RTN1: variants seen among roughly 807,000 people sequenced by gnomAD.
RTN1 encodes reticulon 1.
In RTN1, 25 loss-of-function variants were observed where a neutral mutation model predicts 65.5. The observed-to-expected ratio is 0.38, with a 90% CI of 0.28 to 0.53. The LOEUF (loss-of-function observed/expected upper bound fraction) is 0.53, where lower values mean the gene tolerates loss of function less well. RTN1 is among the 20% of genes least tolerant of loss of function. The pLI, the probability that RTN1 is intolerant of heterozygous loss-of-function variation, is 0.79. For synonymous variants in RTN1, 471 were observed against 447.6 expected, an observed-to-expected ratio of 1.05 and a Z score of -0.66; for missense variants, 983 against 1,025.4, an observed-to-expected ratio of 0.96 and a Z score of 0.57.
At chr14:59,796,880 CCTGT>C (rs1353851840) in intron 1 of RTN1, among the ~76,000 whole-genome samples, 9 of 152,142 alleles carry the variant, frequency 5.9e-5, no homozygotes, top group Admixed American at 3.3e-4. Context: ...GCGATTTTAT[CCTGT>C]CTATCTTCAT....
chr14:59,792,148 T>C (rs1016833858), intron 1 of RTN1, among the ~76,000 whole-genome samples: 1 of 152,078 alleles, frequency 6.6e-6, no homozygotes, highest in African/African-American at 2.4e-5. Context: ...CAGCATACTT[T>C]TTGCTGGGTT....
rs2139508385 is a variant in RTN1, at chr14:59,745,895, C to T, written c.828G>A (p.Gln276=). Residue 276 remains glutamine (Q), a synonymous_variant, in exon 2 of 9, where the codon CAG becomes CAA. Transcript: ENST00000267484. The part of the protein sequence containing the change: ...DLSEEQRRAP[Q]ITTPVKITLT... ...GTGTGATTTTGACAGGGGTGGTGATCTGAGGAGCCCTGCGCTGTTCTTCAG... is the reference window on the plus strand; with the variant it reads ...GTGTGATTTTGACAGGGGTGGTGATTTGAGGAGCCCTGCGCTGTTCTTCAG... 6.2e-7 allele frequency: 1 copy of T among 1,614,080 alleles called. No individual in the cohort carries two copies. Among genetic ancestry groups the T allele is most frequent in the East Asian group, 2.2e-5 (1 of 44,878 alleles).
chr14:59,615,440 A>G (rs1216989919), intron 3 of RTN1, among the ~76,000 whole-genome samples: 2 of 152,008 alleles, frequency 1.3e-5, no homozygotes, highest in Non-Finnish European at 2.9e-5. Context: ...CAAGAGTGAA[A>G]CTCCATCTAA....
Position 59,614,912 on chromosome 14 carries a change from A to G in RTN1, c.1766-7420T>C, listed in dbSNP as rs77499173. ...CACTGAAGAAGCAGTTTTACATACA[A>G]GGTATGTAGGGAATGTGTTTTTGGT... On this transcript the variant is annotated intron_variant, in intron 3 of 8. Coordinates refer to ENST00000267484, the MANE Select transcript of RTN1 (RefSeq NM_021136.3). Among the ~76,000 whole-genome samples the G allele has an allele frequency of 1.6e-3, 240 of 152,346 alleles. 1 individual carries two copies. Among genetic ancestry groups the G allele is most frequent in the African/African-American group, 3.6e-3 (149 of 41,576 alleles).
chr14:59,673,215 A>G (rs1883548192), intron 3 of RTN1, among the ~76,000 whole-genome samples: 1 of 152,034 alleles, frequency 6.6e-6, no homozygotes, highest in Admixed American at 6.5e-5. Flanking sequence ...TTGCTTGGGG[A>G]GTCCCAAGGT....
intron 1 of RTN1, among the ~76,000 whole-genome samples, chr14:59,788,881 A>C (rs1566727487): frequency 6.6e-6 from 1 of 152,122 alleles, no homozygotes. Context: ...CATTGATTTC[A>C]GTTGGTATTT....
In RTN1 at chr14:59,849,087, ATGGCCTTGGTTG is replaced by A. The variant is rs1297389431; in HGVS notation, c.241+21291_241+21302del. On this transcript the variant is annotated intron_variant, in intron 1 of 8. Transcript: ENST00000267484. This position sits in a 1 kb window ranked among gnomAD's most constrained non-coding sequence, Gnocchi z 4.5. ...AAGACTCCTTTTCTATATGTAGTTT[ATGGCCTTGGTTG>A]GAAACAATAGAATTATGCAAATTAG... Among the ~76,000 whole-genome samples the A allele has an allele frequency of 6.6e-6, 1 of 152,202 alleles. No individual in the cohort carries two copies. Among genetic ancestry groups the A allele is most frequent in the African/African-American group, 2.4e-5 (1 of 41,430 alleles).
At chr14:59,738,700 A>G (rs1009802861) in intron 2 of RTN1, among the ~76,000 whole-genome samples, 1 of 152,232 alleles carries the variant, frequency 6.6e-6, no homozygotes, top group East Asian at 1.9e-4. Context: ...ATACAGGCAC[A>G]TGTATGTTTA....
At chr14:59,603,322 A>G in intron 6 of RTN1, 64 bp from the exon 7 acceptor site, 1 of 1,210,260 alleles carries the variant, frequency 8.3e-7, no homozygotes, top group Non-Finnish European at 1.2e-6. Flanking sequence ...GCTTATAGAC[A>G]CATTTTTATA....
At chr14:59,716,413 G>C (rs1469480240) in intron 3 of RTN1, among the ~76,000 whole-genome samples, 2 of 152,092 alleles carry the variant, frequency 1.3e-5, no homozygotes, top group Non-Finnish European at 2.9e-5. Flanking sequence ...AATTCTACAT[G>C]GTATTATATT....
At chr14:59,819,489 A>C (rs1203568550) in intron 1 of RTN1, among the ~76,000 whole-genome samples, 1 of 117,892 alleles carries the variant, frequency 8.5e-6, no homozygotes, top group Non-Finnish European at 1.7e-5. Flanking sequence ...TAGACATAAA[A>C]GTTCTCCAAG....
intron 3 of RTN1, among the ~76,000 whole-genome samples, chr14:59,722,796 C>CT (rs573634730): frequency 0.012 from 1,683 of 137,238 alleles, 13 homozygotes; most frequent in African/African-American, 0.027. Flanking sequence ...GAACTTTTAA[C>CT]TTTTTTTTTT....
chr14:59,760,424 G>T (rs1885725741), intron 1 of RTN1, among the ~76,000 whole-genome samples: 1 of 152,150 alleles, frequency 6.6e-6, no homozygotes, highest in Admixed American at 6.5e-5. Flanking sequence ...GTGGAAGGGA[G>T]ATTTTTTCAC....
At chr14:59,863,665 A>G (rs1345912740) in intron 1 of RTN1, among the ~76,000 whole-genome samples, 1 of 152,026 alleles carries the variant, frequency 6.6e-6, no homozygotes. Flanking sequence ...ATATAAGCAG[A>G]TCAGATCACT....
chr14:59,735,684 C>T (rs1406519014), intron 2 of RTN1, among the ~76,000 whole-genome samples: 7 of 152,284 alleles, frequency 4.6e-5, no homozygotes, highest in African/African-American at 1.4e-4. Context: ...ACAAGAAGAG[C>T]TAACTATCCT....
intron 1 of RTN1, among the ~76,000 whole-genome samples, chr14:59,821,644 G>A (rs1886946351): frequency 6.6e-6 from 1 of 152,206 alleles, no homozygotes; most frequent in East Asian, 1.9e-4. Flanking sequence ...GATGTTGACT[G>A]TAGGTTTGTC....
chr14:59,661,742 G>A (rs1460912737), intron 3 of RTN1, among the ~76,000 whole-genome samples: 1 of 152,130 alleles, frequency 6.6e-6, no homozygotes, highest in Non-Finnish European at 1.5e-5. Context: ...AGGTACTGAA[G>A]GAACGTACCT....
At chr14:59,778,084 C>A (rs1408645243) in intron 1 of RTN1, among the ~76,000 whole-genome samples, 2 of 152,124 alleles carry the variant, frequency 1.3e-5, no homozygotes, top group East Asian at 3.9e-4. Flanking sequence ...CTTCCCCTTC[C>A]TCAGTACCTC....
intron 1 of RTN1, among the ~76,000 whole-genome samples, chr14:59,793,637 C>A (rs12432160): frequency 0.29 from 25,010 of 85,230 alleles, 2,264 homozygotes; most frequent in Middle Eastern, 0.44. Context: ...AGGCACACAC[C>A]ACACACACAC....
Sources: allele counts gnomAD v4.1 joint callset (sites outside exome capture counted in the v4.1 genomes callset), GRCh38; gene constraint gnomAD v4.1.1; non-coding constraint Gnocchi (gnomAD v3.1); transcripts MANE v1.5; gene names NCBI Gene and HGNC (gene_info 2026-07-23, HGNC 2026-07-21).